The following KCNQ5 variants were observed in gnomAD, a reference collection of about 807,000 sequenced individuals.
KCNQ5 encodes the protein potassium voltage-gated channel subfamily KQT member 5.
A neutral mutation model predicts 98.2 loss-of-function variants in KCNQ5; 30 were observed. The observed-to-expected ratio is 0.31, with a 90% confidence interval of 0.23 to 0.41. KCNQ5 has a LOEUF of 0.41. KCNQ5 is among the 10% of genes least tolerant of loss of function. The pLI is 1.00. For synonymous variants in KCNQ5, 458 were observed against 449.4 expected (o/e 1.02, Z -0.24); for missense variants, 835 against 1,182.5 (o/e 0.71, Z 4.31).
At chr6:72,996,617 A>C (rs1769312705) in intron 1 of KCNQ5, among the ~76,000 whole-genome samples, 1 of 152,172 alleles carries the variant, frequency 6.6e-6, no homozygotes, top group Non-Finnish European at 1.5e-5. Context: ...GATTGCATAT[A>C]CTTGAGACAG....
intron 1 of KCNQ5, among the ~76,000 whole-genome samples, chr6:72,942,913 C>T (rs901282251): frequency 2.6e-5 from 4 of 152,072 alleles, no homozygotes; most frequent in Non-Finnish European, 5.9e-5. Flanking sequence ...CACTTTATGC[C>T]GTATTTGGCA....
chr6:72,908,367 CA>C (rs1450479293), intron 1 of KCNQ5, among the ~76,000 whole-genome samples: 1 of 151,850 alleles, frequency 6.6e-6, no homozygotes, highest in African/African-American at 2.4e-5. Flanking sequence ...GCTCTTGTCA[CA>C]AAAAAAGTAA....
At chr6:72,883,277 G>A (rs187176043) in intron 1 of KCNQ5, among the ~76,000 whole-genome samples, 33 of 152,252 alleles carry the variant, frequency 2.2e-4, no homozygotes, top group African/African-American at 7.7e-4. Flanking sequence ...TAGAGTAGTA[G>A]TTGATGCCTC....
chr6:72,987,067 C>A (rs1342415846), intron 1 of KCNQ5: 1 of 706,430 alleles, frequency 1.4e-6, no homozygotes, highest in Non-Finnish European at 2.5e-6. Flanking sequence ...GAGAGCAGCC[C>A]TAGGAAAGGA....
intron 1 of KCNQ5, among the ~76,000 whole-genome samples, chr6:72,823,779 GA>G (rs1218911209): frequency 5.9e-5 from 9 of 151,836 alleles, no homozygotes; most frequent in Admixed American, 5.9e-4. Context: ...ACATTGGAGT[GA>G]AAAAAAATTC....
chr6:73,054,495 A>G (rs1246561240), intron 3 of KCNQ5, among the ~76,000 whole-genome samples: 1 of 152,218 alleles, frequency 6.6e-6, no homozygotes, highest in Non-Finnish European at 1.5e-5. Flanking sequence ...CTAATCCACC[A>G]CTATCAAGGA....
chr6:73,027,937 A>G (rs1185499951), intron 2 of KCNQ5, among the ~76,000 whole-genome samples: 14 of 152,342 alleles, frequency 9.2e-5, no homozygotes, highest in South Asian at 6.2e-4. Flanking sequence ...TAAACAATTT[A>G]TAGTCTCTGA....
chr6:72,710,026 G>A (rs75673421), intron 1 of KCNQ5, among the ~76,000 whole-genome samples: 2,034 of 152,208 alleles, frequency 0.013, 33 homozygotes, highest in African/African-American at 0.042. Context: ...GAAATAACAT[G>A]TTTAGAGAGG....
chr6:72,934,173 A>G (rs1223438438), intron 1 of KCNQ5, among the ~76,000 whole-genome samples: 2 of 152,222 alleles, frequency 1.3e-5, no homozygotes, highest in Admixed American at 6.5e-5. Flanking sequence ...AGAAGGTAGC[A>G]TTTGAAATGA....
At chr6:72,632,264 A>G (rs2154471608) in intron 1 of KCNQ5, among the ~76,000 whole-genome samples, 1 of 150,966 alleles carries the variant, frequency 6.6e-6, no homozygotes, top group Middle Eastern at 3.5e-3. Context: ...CAGCCTCCCA[A>G]GTAGCAGGGA....
At chr6:72,861,729 G>T (rs75865416) in intron 1 of KCNQ5, among the ~76,000 whole-genome samples, 2,680 of 151,860 alleles carry the variant, frequency 0.018, 80 homozygotes, top group African/African-American at 0.061. Context: ...TCTGGAGAAG[G>T]CTCCCAAAAT....
At chr6:72,829,647 G>A (rs984682037) in intron 1 of KCNQ5, among the ~76,000 whole-genome samples, 3 of 152,180 alleles carry the variant, frequency 2.0e-5, no homozygotes, top group African/African-American at 7.2e-5. Context: ...TTTGCCACAT[G>A]TATTATTTGG....
chr6:72,647,079 T>G (rs773604806), intron 1 of KCNQ5, among the ~76,000 whole-genome samples: 1 of 152,228 alleles, frequency 6.6e-6, no homozygotes, highest in African/African-American at 2.4e-5. Context: ...AACACCATTA[T>G]GCATATTCAT....
intron 1 of KCNQ5, among the ~76,000 whole-genome samples, chr6:72,750,638 T>C (rs1003684943): frequency 2.0e-5 from 3 of 151,994 alleles, no homozygotes; most frequent in Non-Finnish European, 4.4e-5. Context: ...AAAATTTAAG[T>C]CATTCTATAT....
chr6:73,020,295 C>T (rs1260243472), intron 2 of KCNQ5, among the ~76,000 whole-genome samples: 1 of 152,170 alleles, frequency 6.6e-6, no homozygotes, highest in Non-Finnish European at 1.5e-5. Flanking sequence ...TCGTGACCTT[C>T]TCCTTGGGCT....
intron 1 of KCNQ5, among the ~76,000 whole-genome samples, chr6:72,955,757 G>GT (rs1767011872): frequency 6.6e-6 from 1 of 152,092 alleles, no homozygotes; most frequent in Non-Finnish European, 1.5e-5. Context: ...CTAAGGTTAT[G>GT]TTTTTTAAAG....
chr6:73,035,169 T>A (rs1415221369), intron 2 of KCNQ5, among the ~76,000 whole-genome samples: 1 of 152,228 alleles, frequency 6.6e-6, no homozygotes, highest in Non-Finnish European at 1.5e-5. Flanking sequence ...GGCTTCTTAA[T>A]TTCCTTATCA....
At chr6:72,860,733 C>T (rs1777728980) in intron 1 of KCNQ5, among the ~76,000 whole-genome samples, 1 of 152,048 alleles carries the variant, frequency 6.6e-6, no homozygotes, top group Non-Finnish European at 1.5e-5. Flanking sequence ...CAAAGCATTA[C>T]TGTATTTCAT....
chr6:73,132,867 G>T (rs1011458610), intron 9 of KCNQ5, among the ~76,000 whole-genome samples: 5 of 152,184 alleles, frequency 3.3e-5, no homozygotes, highest in African/African-American at 1.2e-4. Flanking sequence ...AATGTTAAGT[G>T]TTGTGTGTTT....
Sources: allele counts gnomAD v4.1 joint callset (sites outside exome capture counted in the v4.1 genomes callset), GRCh38; gene constraint gnomAD v4.1.1; transcripts MANE v1.5; gene names NCBI Gene and HGNC (gene_info 2026-07-23, HGNC 2026-07-21).